Variants in CLN5 observed in about 807,000 individuals in gnomAD.
The protein encoded by CLN5 is bis(monoacylglycero)phosphate synthase CLN5.
A neutral mutation model predicts 36.7 loss-of-function variants in CLN5; 34 were observed. The ratio of observed to expected loss-of-function variants is 0.93; its 90% CI spans 0.71 to 1.23. The LOEUF (loss-of-function observed/expected upper bound fraction) is 1.23. Ranked by LOEUF, CLN5 falls within the 50% of genes most tolerant of loss-of-function variation. The probability of loss-of-function intolerance (pLI) is 0.00; values close to 1 mark genes in which losing one functional copy is unlikely to be tolerated. For synonymous variants in CLN5, 151 were observed against 155.1 expected, an observed-to-expected ratio of 0.97 and a Z score of 0.20; for missense variants, 427 against 439.4, an observed-to-expected ratio of 0.97 and a Z score of 0.25.
Position 77,000,901 on chromosome 13 carries a change from CCT to C in CLN5, c.1010_1011del (p.Pro337LeufsTer3). The C allele has an allele frequency of 6.3e-7, 1 of 1,592,824 alleles. No individual in the cohort carries two copies. Among genetic ancestry groups the C allele is most frequent in the Non-Finnish European group, 8.5e-7 (1 of 1,171,558 alleles). On this transcript the variant is annotated frameshift_variant, in exon 4 of 4. Coordinates refer to ENST00000377453, the MANE Select transcript of CLN5 (RefSeq NM_006493.4). LOFTEE classifies it high-confidence loss of function. ...FEYWFLPMKF[P>X]FIKITYEEIP... is the part of the protein sequence containing the mutation. ...ATATTGGTTTTTACCTATGAAATTCCCTTTTATTAAAATAACATATGAAGAAA... is the reference window on the plus strand; with the variant it reads ...ATATTGGTTTTTACCTATGAAATTCCTTTATTAAAATAACATATGAAGAAA...
rs1475379484 is a variant in CLN5 at position 77,000,453 on chromosome 13, A to G, written c.566-5A>G. 6.2e-7 allele frequency: 1 copy of G among 1,610,370 alleles called. No homozygotes were observed. ...AGGTGACTTTGTTTTGTTTTTTTAA[A>G]CTAGGAAACATGTTCAACCAAATGG... is the stretch of plus-strand genomic sequence containing the variant. On this transcript the variant is annotated splice_region_variant and splice_polypyrimidine_tract_variant and intron_variant, in intron 3 of 3. Transcript: ENST00000377453.
At chr13:77,000,317 C>G in intron 3 of CLN5, 141 bp from the exon 4 acceptor site, 1 of 728,530 alleles carries the variant, frequency 1.4e-6, no homozygotes, top group East Asian at 2.8e-5. Flanking sequence ...CCCAGGAGGT[C>G]AAGGCTGCAG....
chr13:76,996,448 CCT>C (rs10605293), intron 3 of CLN5: 11,205 of 293,136 alleles, frequency 0.038, 398 homozygotes, highest in East Asian at 0.11. Context: ...ATCCCTCACC[CCT>C]CTCCGACCCT....
intron 3 of CLN5, chr13:76,999,203 G>T (rs1468167384): frequency 6.6e-6 from 1 of 152,198 alleles, no homozygotes; most frequent in Admixed American, 6.5e-5. Flanking sequence ...GATAAAGGCA[G>T]TCACTCTATT....
intron 3 of CLN5, chr13:76,997,959 ACTGTT>A (rs2034296009): frequency 6.6e-6 from 1 of 152,260 alleles, no homozygotes; most frequent in Non-Finnish European, 1.5e-5. Context: ...TGGTTCTGGC[ACTGTT>A]CTGAGTACTG....
chr13:77,004,637 C>CT lies in CLN5; in HGVS notation c.*3669dup, dbSNP rs1404696385. The CT allele has an allele frequency of 6.6e-6, 1 of 151,918 alleles. No homozygotes were observed. The highest frequency in any genetic ancestry group is 1.5e-5 in the Non-Finnish European group (1 of 68,006). The allele number at this position is 151,918 out of a possible 1,614,324, so 9.4% of individuals were successfully genotyped here. A position where few individuals can be genotyped will look rare whatever the true frequency, so the allele number is the denominator to read the frequency against. On this transcript the variant is annotated 3_prime_UTR_variant, in exon 4 of 4. Coordinates refer to ENST00000377453, the MANE Select transcript of CLN5 (RefSeq NM_006493.4). ...GTTGGAGTCTGTGCAAAGCTCATTA[C>CT]TATCTATGTGTGGGGTAGAAATTAT...
intron 3 of CLN5, chr13:76,997,861 G>A (rs2034294379): frequency 6.6e-6 from 1 of 152,168 alleles, no homozygotes; most frequent in Admixed American, 6.5e-5. Flanking sequence ...TCCATAAAAT[G>A]CCTGATTAAA....
chr13:76,992,640 A>ACTGT, intron 1 of CLN5: 2 of 316,572 alleles, frequency 6.3e-6, no homozygotes, highest in Non-Finnish European at 1.2e-5. Context: ...TATATCATGC[A>ACTGT]CTGTCGTTAG....
chr13:76,996,177 T>G, intron 3 of CLN5, 50 bp downstream of exon 3: 1 of 1,383,052 alleles, frequency 7.2e-7, no homozygotes, highest in Non-Finnish European at 1.0e-6. Context: ...AAAAACCAAA[T>G]GAAAGAAATT....
At chr13:77,000,370 G>A (rs1448340123) in intron 3 of CLN5, 88 bp from the exon 4 acceptor site, 4 of 1,261,458 alleles carry the variant, frequency 3.2e-6, no homozygotes, top group East Asian at 5.0e-5. Flanking sequence ...CGGCAACAGA[G>A]GGAGACCTGT....
intron 1 of CLN5, chr13:76,994,794 T>G (rs1289308286): frequency 1.9e-5 from 7 of 376,314 alleles, no homozygotes; most frequent in Non-Finnish European, 3.4e-5. Flanking sequence ...GCTATAAAAA[T>G]TTTAAGACAA....
Position 77,002,978 on chromosome 13 carries a change from C to G in CLN5, c.*2009C>G, listed in dbSNP as rs975167798. 1.3e-5 allele frequency: 2 copies of G among 152,090 alleles called. No homozygotes were observed. The highest frequency in any genetic ancestry group is 2.9e-5 in the Non-Finnish European group (2 of 67,980). The allele number at this position is 152,090 out of a possible 1,614,324, so 9.4% of individuals were successfully genotyped here. A position where few individuals can be genotyped will look rare whatever the true frequency, so the allele number is the denominator to read the frequency against. On this transcript the variant is annotated 3_prime_UTR_variant, in exon 4 of 4. Coordinates refer to ENST00000377453, the MANE Select transcript of CLN5 (RefSeq NM_006493.4). Reference sequence around the variant, plus strand: ...GATATCTGTACCTGGAACTTTTAAACAAGATTCTAATAGTTATGTGAAAAA... The same window carrying G: ...GATATCTGTACCTGGAACTTTTAAAGAAGATTCTAATAGTTATGTGAAAAA...
At position 77,000,752 on chromosome 13, in the gene CLN5, C is replaced by T. The variant is rs140580715; in HGVS notation, c.860C>T (p.Ala287Val). 1 of 1,613,940 alleles carries T rather than the reference C, an allele frequency of 6.2e-7. No individual in the cohort carries two copies. The highest frequency in any genetic ancestry group is 8.5e-7 in the Non-Finnish European group (1 of 1,179,918). Residue 287 changes from alanine to valine, a missense_variant, in exon 4 of 4, where the codon GCC (alanine) becomes GTC (valine). Coordinates refer to ENST00000377453, the MANE Select transcript of CLN5 (RefSeq NM_006493.4). Reference sequence around the variant, plus strand: ...ACAGGAAACAAGACTCTTGGTTTAGCCATAAAAAGATTTTATTACCCCTTC... The same window carrying T: ...ACAGGAAACAAGACTCTTGGTTTAGTCATAAAAAGATTTTATTACCCCTTC... ...GPTGNKTLGLAIKRFYYPFKP... is the reference protein window; with the variant it reads ...GPTGNKTLGLVIKRFYYPFKP...
rs1158371375 is a variant in CLN5 at position 77,004,845 on chromosome 13, G to A, written c.*3876G>A. ...ACAACAGCCCAAATTACCAAGATAA[G>A]TTGAAAGCCAGTAAAACAATGAAAA... On this transcript the variant is annotated 3_prime_UTR_variant, in exon 4 of 4. Transcript: ENST00000377453. The A allele has an allele frequency of 6.6e-6, 1 of 152,046 alleles. No homozygotes were observed. The highest frequency in any genetic ancestry group is 1.5e-5 in the Non-Finnish European group (1 of 68,000). 9.4% of individuals were successfully genotyped at this position (152,046 alleles called of 1,614,324 possible).
intron 3 of CLN5, chr13:76,999,550 A>C (rs758917539): frequency 2.0e-5 from 3 of 152,264 alleles, no homozygotes; most frequent in Non-Finnish European, 4.4e-5. Flanking sequence ...GGGAAGAAAG[A>C]AACGTACCAA....
chr13:76,996,206 C>T, intron 3 of CLN5, 79 bp downstream of exon 3: 4 of 1,195,788 alleles, frequency 3.3e-6, no homozygotes, highest in Non-Finnish European at 5.0e-6. Context: ...TCCATTGAAA[C>T]ATTTCAGTAA....
intron 2 of CLN5, chr13:76,995,665 A>G: frequency 1.7e-6 from 1 of 583,834 alleles, no homozygotes; most frequent in Admixed American, 2.9e-5. Flanking sequence ...TGTCCACATA[A>G]CATGCAGGCC....
rs555809828 is a variant in CLN5 at position 77,003,527 on chromosome 13, A to G, written c.*2558A>G. 1.3e-5 allele frequency: 2 copies of G among 152,400 alleles called. No homozygotes were observed. Among genetic ancestry groups the G allele is most frequent in the Non-Finnish European group, 2.9e-5 (2 of 68,038 alleles). 9.4% of individuals were successfully genotyped at this position (152,400 alleles called of 1,614,324 possible). A position where few individuals can be genotyped will look rare whatever the true frequency, so the allele number is the denominator to read the frequency against. ...CTTTCAAAATAGTAGTTGAGAAACC[A>G]AAACATAGCCACGCAGAAATCTGCC... On this transcript the variant is annotated 3_prime_UTR_variant, in exon 4 of 4. Coordinates refer to ENST00000377453, the MANE Select transcript of CLN5 (RefSeq NM_006493.4).
At chr13:77,000,383 TAAAAAAAA>T (rs58476086) in intron 3 of CLN5, 67 bp from the exon 4 acceptor site, 6 of 1,179,094 alleles carry the variant, frequency 5.1e-6, no homozygotes, top group Non-Finnish European at 6.9e-6. Flanking sequence ...AGACCTGTCT[TAAAAAAAA>T]AAAAAAAAAA....
Sources: gnomAD v4.1 joint callset for allele counts on GRCh38, gnomAD v4.1.1 for gene constraint, MANE v1.5 for transcripts, NCBI Gene and HGNC (gene_info 2026-07-23, HGNC 2026-07-21) for gene names.